ANKRD45: variants seen among roughly 807,000 people sequenced by gnomAD.
ANKRD45 encodes ankyrin repeat domain 45.
Under a neutral mutation model 28.1 loss-of-function variants are expected in ANKRD45, and 21 were observed. That is an observed-to-expected ratio of 0.75 (90% CI 0.53 to 1.08). ANKRD45 has a LOEUF of 1.08. Among genes scored for constraint, ANKRD45 ranks in the 50% least tolerant of loss-of-function variants. ANKRD45 has a pLI of 0.00. For missense variants in ANKRD45, 261 were observed against 308.7 expected (o/e 0.85, Z 1.16); for synonymous variants, 86 against 103.9 (o/e 0.83, Z 1.05).
chr1:173,693,708 TA>T, the ANKRD45 span, among the ~76,000 whole-genome samples: 1 of 152,194 alleles, frequency 6.6e-6, no homozygotes, highest in African/African-American at 2.4e-5. Flanking sequence ...ATTATATGGA[TA>T]TAAAGAGATG....
chr1:173,680,044 T>G, the ANKRD45 span, among the ~76,000 whole-genome samples: 18 of 152,170 alleles, frequency 1.2e-4, no homozygotes, highest in African/African-American at 4.1e-4. Flanking sequence ...AAGCAACAGA[T>G]GCTGGAGAGG....
chr1:173,627,143 C>G lies in ANKRD45; in HGVS notation c.513G>C (p.Leu171=). Residue 171 remains leucine (L), a synonymous_variant, in exon 4 of 6, where the codon CTG becomes CTC. Coordinates refer to ENST00000333279, the MANE Select transcript of ANKRD45 (RefSeq NM_198493.3). ...AAGAGACTTTTGCAATATATTTTTTCAGAGTCAGCCTTGCATCTGAAAGAA... is the reference window on the plus strand; with the variant it reads ...AAGAGACTTTTGCAATATATTTTTTGAGAGTCAGCCTTGCATCTGAAAGAA... ...FLDWADARLT[L]KKYIAKVSLA... is the part of the protein sequence containing the mutation. 6.2e-7 allele frequency: 1 copy of G among 1,611,782 alleles called. No homozygotes were observed. Among genetic ancestry groups the G allele is most frequent in the Non-Finnish European group, 8.5e-7 (1 of 1,178,970 alleles).
the ANKRD45 span, among the ~76,000 whole-genome samples, chr1:173,697,216 A>G: frequency 6.6e-6 from 1 of 152,260 alleles, no homozygotes; most frequent in Non-Finnish European, 1.5e-5. Context: ...TGACAGGAGA[A>G]TGGAACCAAG....
the ANKRD45 span, among the ~76,000 whole-genome samples, chr1:173,703,521 A>T: frequency 6.3e-4 from 96 of 152,018 alleles, no homozygotes; most frequent in Admixed American, 1.5e-3. Flanking sequence ...GTCCATTCTT[A>T]TACATCCATT....
intron 3 of ANKRD45, among the ~76,000 whole-genome samples, chr1:173,644,029 G>A (rs1668817305): frequency 6.6e-6 from 1 of 152,064 alleles, no homozygotes; most frequent in Non-Finnish European, 1.5e-5. Flanking sequence ...TTCCCTCTAA[G>A]AGAATATTAA....
At chr1:173,673,984 G>T (rs897655836), upstream of ANKRD45, among the ~76,000 whole-genome samples, 4 of 152,018 alleles carry the variant, frequency 2.6e-5, no homozygotes, top group Non-Finnish European at 4.4e-5. Flanking sequence ...TCTGGTTAGT[G>T]AACTCCCATT....
chr1:173,705,190 A>T, the ANKRD45 span, among the ~76,000 whole-genome samples: 1 of 152,176 alleles, frequency 6.6e-6, no homozygotes, highest in Non-Finnish European at 1.5e-5. Flanking sequence ...TGGGTGGTAC[A>T]TTACAGCATT....
intron 2 of ANKRD45, among the ~76,000 whole-genome samples, chr1:173,647,949 ATT>A (rs556705860): frequency 6.9e-6 from 1 of 145,112 alleles, no homozygotes; most frequent in African/African-American, 2.5e-5. Flanking sequence ...ATGCCCAGAT[ATT>A]TTTTTTTTTT....
chr1:173,700,708 C>T, the ANKRD45 span, among the ~76,000 whole-genome samples: 1 of 152,132 alleles, frequency 6.6e-6, no homozygotes, highest in Admixed American at 6.5e-5. Context: ...AGACCTAAAA[C>T]CACAAAAACC....
chr1:173,680,617 T>G, the ANKRD45 span, among the ~76,000 whole-genome samples: 2 of 152,048 alleles, frequency 1.3e-5, no homozygotes, highest in East Asian at 1.9e-4. Flanking sequence ...ATTCTGCACA[T>G]GTACCCCAGA....
At chr1:173,701,123 C>G in the ANKRD45 span, among the ~76,000 whole-genome samples, 1 of 152,224 alleles carries the variant, frequency 6.6e-6, no homozygotes, top group Non-Finnish European at 1.5e-5. Flanking sequence ...AATGAGATAC[C>G]ATCTCACACC....
the ANKRD45 span, chr1:173,675,263 G>GA: frequency 1.2e-5 from 3 of 253,436 alleles, no homozygotes; most frequent in African/African-American, 2.4e-5. Flanking sequence ...GAAAAATGGA[G>GA]AAAAAAGAAG....
chr1:173,636,893 G>A (rs1668470460), intron 3 of ANKRD45: 8 of 1,535,758 alleles, frequency 5.2e-6, no homozygotes, highest in Non-Finnish European at 6.1e-6. Context: ...CAACAACATT[G>A]ACCAAACACT....
At chr1:173,712,742 AT>A in the ANKRD45 span, among the ~76,000 whole-genome samples, 2 of 152,246 alleles carry the variant, frequency 1.3e-5, no homozygotes, top group African/African-American at 2.4e-5. Flanking sequence ...GCAGAAAAAA[AT>A]GTTTTAAAAA....
At chr1:173,681,929 A>G in the ANKRD45 span, among the ~76,000 whole-genome samples, 1 of 152,132 alleles carries the variant, frequency 6.6e-6, no homozygotes, top group East Asian at 1.9e-4. Flanking sequence ...ACGCACCTAT[A>G]GTCCCAGCTA....
At chr1:173,644,731 A>C (rs970500271) in intron 3 of ANKRD45, among the ~76,000 whole-genome samples, 1 of 152,206 alleles carries the variant, frequency 6.6e-6, no homozygotes, top group Non-Finnish European at 1.5e-5. Context: ...ATGGTGGCTC[A>C]TGCCTGTAAT....
chr1:173,624,939 T>C lies in ANKRD45; in HGVS notation c.592-14A>G. On this transcript the variant is annotated splice_polypyrimidine_tract_variant and intron_variant, in intron 4 of 5. Coordinates refer to ENST00000333279, the MANE Select transcript of ANKRD45 (RefSeq NM_198493.3). ...GAGGATGGTATTCTAGGGACAGAAA[T>C]ACAGAGTTTGCTCTCCACTTATTTA... The C allele has an allele frequency of 1.9e-6, 3 of 1,604,172 alleles. No homozygotes were observed. The highest frequency in any genetic ancestry group is 2.6e-6 in the Non-Finnish European group (3 of 1,174,614).
At chr1:173,669,393 T>C in intron 1 of ANKRD45, 1 of 432,772 alleles carries the variant, frequency 2.3e-6, no homozygotes, top group South Asian at 1.6e-5. Flanking sequence ...ACTGATTTTT[T>C]TCTTCAAAAA....
In ANKRD45 at chr1:173,608,908, AGGAAGGGAGG is replaced by A. The variant is rs1368290079; in HGVS notation, c.*1227_*1236del. Among the ~76,000 whole-genome samples, 10 of 44,922 alleles carry A rather than the reference AGGAAGGGAGG, an allele frequency of 2.2e-4. No individual in the cohort carries two copies. Among genetic ancestry groups the A allele is most frequent in the East Asian group, 7.2e-4 (1 of 1,392 alleles). 29.5% of individuals were successfully genotyped at this position (44,922 alleles called of 152,430 possible). On this transcript the variant is annotated 3_prime_UTR_variant, in exon 6 of 6. Transcript: ENST00000333279. ...GGGAGGGGAGGGGAGAGGAAGGGAG[AGGAAGGGAGG>A]GGAAGGGAGGGGAAGGGAGGGGAAG...
Sources: allele counts gnomAD v4.1 joint callset (sites outside exome capture counted in the v4.1 genomes callset), GRCh38; gene constraint gnomAD v4.1.1; transcripts MANE v1.5; gene names NCBI Gene and HGNC (gene_info 2026-07-23, HGNC 2026-07-21).